Variants in RLN2 observed in about 807,000 individuals in gnomAD.
RLN2 encodes the protein relaxin 2.
A neutral mutation model predicts 7.3 loss-of-function variants in RLN2; 10 were observed. The observed-to-expected ratio is 1.36, with a 90% CI of 0.84 to 2.31. The LOEUF (loss-of-function observed/expected upper bound fraction) is 2.31, where lower values mean the gene tolerates loss of function less well. RLN2 is among the 30% of genes most tolerant of loss of function. The probability of loss-of-function intolerance (pLI) is 0.00; values close to 1 mark genes in which losing one functional copy is unlikely to be tolerated. For synonymous variants in RLN2, 103 were observed against 82.3 expected (o/e 1.25, Z -1.36); for missense variants, 298 against 217.6 (o/e 1.37, Z -2.32).
At chr9:5,307,563 C>T (rs1175173295), upstream of RLN2, among the ~76,000 whole-genome samples, 1 of 151,936 alleles carries the variant, frequency 6.6e-6, no homozygotes. Flanking sequence ...AGAAGCCCTG[C>T]CTCCACGGAT....
chr9:5,324,852 G>A, the RLN2 span, among the ~76,000 whole-genome samples: 4 of 151,968 alleles, frequency 2.6e-5, no homozygotes, highest in African/African-American at 9.7e-5. Context: ...ATAAACAAAG[G>A]TGAAGACACA....
upstream of RLN2, among the ~76,000 whole-genome samples, chr9:5,308,583 G>T (rs1363010912): frequency 6.6e-6 from 1 of 151,936 alleles, no homozygotes; most frequent in African/African-American, 2.4e-5. Context: ...AACATCACAA[G>T]GGACCCCAGA....
At chr9:5,307,235 G>C (rs890556189), upstream of RLN2, among the ~76,000 whole-genome samples, 2 of 151,298 alleles carry the variant, frequency 1.3e-5, no homozygotes, top group African/African-American at 2.4e-5. Flanking sequence ...ATAGATGATA[G>C]ATAGGTGATA....
chr9:5,319,097 C>G, the RLN2 span, among the ~76,000 whole-genome samples: 3 of 151,906 alleles, frequency 2.0e-5, no homozygotes, highest in Non-Finnish European at 4.4e-5. Context: ...TAGTGTTGCT[C>G]TTTTTATCAT....
chr9:5,315,081 C>T, the RLN2 span, among the ~76,000 whole-genome samples: 4 of 150,860 alleles, frequency 2.7e-5, no homozygotes, highest in East Asian at 7.7e-4. Context: ...AAGCAAGAAA[C>T]ATGACACCAA....
At chr9:5,335,318 T>A in the RLN2 span, 1 of 1,611,610 alleles carries the variant, frequency 6.2e-7, no homozygotes, top group African/African-American at 1.3e-5. Context: ...CAGTGCCACG[T>A]AGGGTCGTCT....
chr9:5,304,358 G>A lies in RLN2; in HGVS notation c.211+12C>T, dbSNP rs772867962. On this transcript the variant is annotated intron_variant, in intron 1 of 1. Transcript: ENST00000381627. ...AAGCGCGGGAAGGCCGGGAGGGGGCGGGAGCTCTCACCTGCCACTGGTCTA... is the reference window on the plus strand; with the variant it reads ...AAGCGCGGGAAGGCCGGGAGGGGGCAGGAGCTCTCACCTGCCACTGGTCTA... The A allele has an allele frequency of 6.4e-7, 1 of 1,560,626 alleles. No individual in the cohort carries two copies. The highest frequency in any genetic ancestry group is 1.5e-5 in the African/African-American group (1 of 68,246).
the RLN2 span, among the ~76,000 whole-genome samples, chr9:5,312,620 A>G: frequency 2.0e-5 from 3 of 151,940 alleles, no homozygotes; most frequent in Non-Finnish European, 2.9e-5. Context: ...GGAGTATAAA[A>G]GTTGTTGTAT....
the RLN2 span, among the ~76,000 whole-genome samples, chr9:5,336,813 C>T: frequency 8.2e-4 from 125 of 151,956 alleles, no homozygotes; most frequent in African/African-American, 2.9e-3. Flanking sequence ...AATCTAAGTG[C>T]GGGAGGCAGA....
the RLN2 span, among the ~76,000 whole-genome samples, chr9:5,321,466 G>A: frequency 1.3e-5 from 2 of 152,066 alleles, no homozygotes; most frequent in East Asian, 3.9e-4. Context: ...TATTTCTTTA[G>A]ATACTGTCTG....
intron 1 of RLN2, 29 bp downstream of exon 1, chr9:5,304,341 G>T (rs912532434): frequency 3.3e-6 from 5 of 1,502,870 alleles, no homozygotes; most frequent in Non-Finnish European, 4.5e-6. Context: ...GGAAGCGCGG[G>T]AAGGCCGGGA....
At chr9:5,324,787 A>G in the RLN2 span, among the ~76,000 whole-genome samples, 1 of 152,228 alleles carries the variant, frequency 6.6e-6, no homozygotes. Flanking sequence ...ATTATTGTGT[A>G]ATAAGCATGG....
chr9:5,321,922 A>G, the RLN2 span, among the ~76,000 whole-genome samples: 1 of 152,048 alleles, frequency 6.6e-6, no homozygotes, highest in Non-Finnish European at 1.5e-5. Flanking sequence ...GCTTTGAGGC[A>G]GCCCTGAGAA....
At chr9:5,308,198 G>A (rs926378055), upstream of RLN2, among the ~76,000 whole-genome samples, 1 of 151,926 alleles carries the variant, frequency 6.6e-6, no homozygotes, top group Admixed American at 6.6e-5. Flanking sequence ...TTATCCAGAA[G>A]AATCAAACAA....
chr9:5,337,482 C>G, the RLN2 span, among the ~76,000 whole-genome samples: 1 of 151,970 alleles, frequency 6.6e-6, no homozygotes, highest in Non-Finnish European at 1.5e-5. Flanking sequence ...GCAAATCTTA[C>G]TGAAATAGAT....
the RLN2 span, among the ~76,000 whole-genome samples, chr9:5,329,498 T>C: frequency 3.0e-4 from 46 of 151,080 alleles, 1 homozygote; most frequent in Non-Finnish European, 5.5e-4. Context: ...TGGTGTGCTG[T>C]ATTCAGGAGA....
At chr9:5,326,342 T>G in the RLN2 span, among the ~76,000 whole-genome samples, 1 of 152,060 alleles carries the variant, frequency 6.6e-6, no homozygotes, top group Non-Finnish European at 1.5e-5. Context: ...GAAACAGTAT[T>G]AAGCAGATCC....
chr9:5,302,485 A>G (rs1306396557), intron 1 of RLN2, among the ~76,000 whole-genome samples: 1 of 152,222 alleles, frequency 6.6e-6, no homozygotes, highest in Non-Finnish European at 1.5e-5. Flanking sequence ...CAAATTACTG[A>G]CATGTACTTC....
the RLN2 span, among the ~76,000 whole-genome samples, chr9:5,310,949 C>A: frequency 6.6e-6 from 1 of 152,042 alleles, no homozygotes; most frequent in South Asian, 2.1e-4. Context: ...TATTCCTTCT[C>A]TGATAGGCTT....
Sources: allele counts gnomAD v4.1 joint callset (sites outside exome capture counted in the v4.1 genomes callset), GRCh38; gene constraint gnomAD v4.1.1; transcripts MANE v1.5; gene names NCBI Gene and HGNC (gene_info 2026-07-23, HGNC 2026-07-21).